Variants in FHIT observed in about 807,000 individuals in gnomAD.
FHIT encodes bis(5'-adenosyl)-triphosphatase.
Under a neutral mutation model 17.9 loss-of-function variants are expected in FHIT, and 19 were observed. That is an observed-to-expected ratio of 1.06 (90% CI 0.74 to 1.56). The LOEUF is 1.56. FHIT is among the 40% of genes most tolerant of loss of function. The pLI, the probability that FHIT is intolerant of heterozygous loss-of-function variation, is 0.00. For missense variants in FHIT, 248 were observed against 189.2 expected, an observed-to-expected ratio of 1.31 and a Z score of -1.82; for synonymous variants, 81 against 69.7, an observed-to-expected ratio of 1.16 and a Z score of -0.81.
intron 8 of FHIT, among the ~76,000 whole-genome samples, chr3:59,859,193 T>C (rs1374446829): frequency 1.3e-5 from 2 of 152,198 alleles, no homozygotes; most frequent in East Asian, 3.9e-4. Flanking sequence ...AAGTACCAAC[T>C]GGACCAGGTG....
intron 5 of FHIT, among the ~76,000 whole-genome samples, chr3:60,262,454 C>A (rs1156532623): frequency 6.6e-6 from 1 of 151,934 alleles, no homozygotes; most frequent in African/African-American, 2.4e-5. Context: ...GGCAAAACAT[C>A]CCCACCCTTT....
intron 7 of FHIT, among the ~76,000 whole-genome samples, chr3:59,940,538 AGATGGAAGGCAGAGAACGAGG>A (rs1706462721): frequency 6.6e-6 from 1 of 152,040 alleles, no homozygotes; most frequent in Non-Finnish European, 1.5e-5. Context: ...TTGGGGAGGG[AGATGGAAGGCAGAGAACGAGG>A]GTTTCTCCCA....
chr3:60,364,173 C>T (rs748835823), intron 5 of FHIT, among the ~76,000 whole-genome samples: 7 of 152,174 alleles, frequency 4.6e-5, no homozygotes, highest in Non-Finnish European at 7.3e-5. Flanking sequence ...TCTAATAATG[C>T]CTTTGGTCTA....
At chr3:59,970,755 T>A (rs932655022) in intron 7 of FHIT, among the ~76,000 whole-genome samples, 2 of 152,054 alleles carry the variant, frequency 1.3e-5, no homozygotes, top group Non-Finnish European at 2.9e-5. Context: ...TAAATTTTCA[T>A]ACAAGCTGTC....
At chr3:60,148,993 C>T (rs559022468) in intron 5 of FHIT, among the ~76,000 whole-genome samples, 1 of 152,268 alleles carries the variant, frequency 6.6e-6, no homozygotes, top group South Asian at 2.1e-4. Context: ...CTTCCACCAT[C>T]AAGAGGAGGT....
intron 5 of FHIT, among the ~76,000 whole-genome samples, chr3:60,095,634 A>G (rs1193064965): frequency 6.6e-6 from 1 of 152,210 alleles, no homozygotes; most frequent in East Asian, 1.9e-4. Context: ...GGGTGAAGGG[A>G]CTGAATCCGG....
At chr3:60,371,971 CG>C (rs1700350181) in intron 5 of FHIT, among the ~76,000 whole-genome samples, 1 of 151,818 alleles carries the variant, frequency 6.6e-6, no homozygotes. Flanking sequence ...AAAATTGGCA[CG>C]GTCCTGCTAG....
chr3:60,872,017 G>A (rs1281323029), intron 3 of FHIT, among the ~76,000 whole-genome samples: 1 of 151,938 alleles, frequency 6.6e-6, no homozygotes, highest in African/African-American at 2.4e-5. Context: ...GAGTTCAACT[G>A]ATAAAAAGAA....
chr3:60,387,612 C>T (rs1250978229), intron 5 of FHIT, among the ~76,000 whole-genome samples: 1 of 152,054 alleles, frequency 6.6e-6, no homozygotes, highest in Non-Finnish European at 1.5e-5. Context: ...TCTGCTCTAC[C>T]CCTTCTTCTC....
chr3:61,116,281 TATC>T (rs1407728548), intron 2 of FHIT, among the ~76,000 whole-genome samples: 4 of 152,152 alleles, frequency 2.6e-5, no homozygotes, highest in African/African-American at 9.7e-5. Flanking sequence ...TACTGCATAA[TATC>T]ATTATGCTGC....
At chr3:60,818,723 G>C (rs1701820648) in intron 4 of FHIT, among the ~76,000 whole-genome samples, 1 of 152,126 alleles carries the variant, frequency 6.6e-6, no homozygotes, top group African/African-American at 2.4e-5. Context: ...TTTATATACA[G>C]ATTTGGGAGC....
intron 5 of FHIT, among the ~76,000 whole-genome samples, chr3:60,451,430 G>A (rs2031737432): frequency 6.6e-6 from 1 of 151,942 alleles, no homozygotes; most frequent in African/African-American, 2.4e-5. Flanking sequence ...TCTCCTTAAT[G>A]GACTGGTACA....
At chr3:60,505,036 A>C (rs1360879367) in intron 5 of FHIT, among the ~76,000 whole-genome samples, 1 of 152,170 alleles carries the variant, frequency 6.6e-6, no homozygotes, top group Admixed American at 6.5e-5. Flanking sequence ...TATCACCCCA[A>C]AAGTTTTGTC....
At chr3:61,179,020 T>TTG (rs2038244542) in intron 2 of FHIT, among the ~76,000 whole-genome samples, 1 of 147,860 alleles carries the variant, frequency 6.8e-6, no homozygotes, top group African/African-American at 2.5e-5. Flanking sequence ...TTTTTTTTTT[T>TTG]TTTTTTTTGA....
chr3:60,027,136 C>CA (rs1404321876), intron 5 of FHIT, among the ~76,000 whole-genome samples: 4,890 of 118,476 alleles, frequency 0.041, 275 homozygotes, highest in South Asian at 0.084. Context: ...CACACACACA[C>CA]ACACACACAC....
intron 4 of FHIT, among the ~76,000 whole-genome samples, chr3:60,652,706 C>T (rs577803030): frequency 2.0e-4 from 20 of 100,374 alleles, no homozygotes; most frequent in Non-Finnish European, 3.3e-4. Flanking sequence ...CCAGCCTGGG[C>T]AAAAGAGAGA....
At chr3:60,932,485 G>A (rs995998477) in intron 3 of FHIT, among the ~76,000 whole-genome samples, 2 of 152,074 alleles carry the variant, frequency 1.3e-5, no homozygotes, top group African/African-American at 2.4e-5. Context: ...TCAGAGAATT[G>A]GAGGAAAGAG....
At chr3:60,337,123 G>A (rs540714201) in intron 5 of FHIT, among the ~76,000 whole-genome samples, 2 of 151,988 alleles carry the variant, frequency 1.3e-5, no homozygotes, top group Non-Finnish European at 2.9e-5. Flanking sequence ...TTTATTCTTG[G>A]GCTAAGTTCA....
intron 4 of FHIT, among the ~76,000 whole-genome samples, chr3:60,632,781 TA>T (rs148701185): frequency 0.011 from 1,679 of 152,122 alleles, 38 homozygotes; most frequent in African/African-American, 0.039. Context: ...AGGAAAGGGT[TA>T]AAAAAAACTA....
Sources: allele counts gnomAD v4.1 joint callset (sites outside exome capture counted in the v4.1 genomes callset), GRCh38; gene constraint gnomAD v4.1.1; transcripts MANE v1.5; gene names NCBI Gene and HGNC (gene_info 2026-07-23, HGNC 2026-07-21).